SLC9A2: variants seen among roughly 807,000 people sequenced by gnomAD.
SLC9A2 encodes the protein sodium/hydrogen exchanger 2.
Under a neutral mutation model 71.7 loss-of-function variants are expected in SLC9A2, and 42 were observed. The observed-to-expected ratio is 0.59, with a 90% CI of 0.46 to 0.76. The LOEUF (loss-of-function observed/expected upper bound fraction) is 0.76, where lower values mean the gene tolerates loss of function less well. Ranked by LOEUF, SLC9A2 falls within the 30% of genes least tolerant of loss-of-function variation. SLC9A2 has a pLI of 0.00. For synonymous variants in SLC9A2, 396 were observed against 392.5 expected, an observed-to-expected ratio of 1.01 and a Z score of -0.10; for missense variants, 829 against 1,017.4, an observed-to-expected ratio of 0.81 and a Z score of 2.52.
At chr2:102,659,495 G>A (rs1333857057) in intron 2 of SLC9A2, among the ~76,000 whole-genome samples, 1 of 152,020 alleles carries the variant, frequency 6.6e-6, no homozygotes, top group Non-Finnish European at 1.5e-5. Context: ...TTTATTCTCT[G>A]TTAGCTTGTA....
In SLC9A2 at chr2:102,676,613, ATTG is replaced by A. The variant is rs1266890032; in HGVS notation, c.1005-6642_1005-6640del. On this transcript the variant is annotated intron_variant, in intron 3 of 11. Transcript: ENST00000233969. ...TGCTTGGATCCTGTTTTAAAAAACA[ATTG>A]TTGTTTGCATTTTCTCATATGTCAA... Among the ~76,000 whole-genome samples the A allele has an allele frequency of 3.3e-5, 5 of 152,180 alleles. 1 individual carries two copies. The highest frequency in any genetic ancestry group is 2.6e-4 in the Admixed American group (4 of 15,282).
At chr2:102,639,249 A>G (rs779433152) in intron 1 of SLC9A2, among the ~76,000 whole-genome samples, 1 of 152,248 alleles carries the variant, frequency 6.6e-6, no homozygotes, top group Non-Finnish European at 1.5e-5. Context: ...TTATTATATC[A>G]TGTTAATAGG....
intron 1 of SLC9A2, among the ~76,000 whole-genome samples, chr2:102,634,896 C>T (rs1450552164): frequency 6.6e-6 from 1 of 152,114 alleles, no homozygotes; most frequent in Non-Finnish European, 1.5e-5. Context: ...TAAGAGTAGG[C>T]TCTCTCATTG....
intron 1 of SLC9A2, among the ~76,000 whole-genome samples, chr2:102,631,098 A>G (rs1243444813): frequency 1.3e-5 from 2 of 152,022 alleles, no homozygotes; most frequent in Non-Finnish European, 2.9e-5. Context: ...CTAGGGTTTT[A>G]ATGATATGTT....
chr2:102,645,914 C>A (rs150236305), intron 1 of SLC9A2, among the ~76,000 whole-genome samples: 2 of 152,086 alleles, frequency 1.3e-5, no homozygotes, highest in Non-Finnish European at 2.9e-5. Flanking sequence ...CCCAACCTAG[C>A]AAGACAGGCC....
At chr2:102,654,117 C>T (rs1284189114) in intron 1 of SLC9A2, among the ~76,000 whole-genome samples, 1 of 151,644 alleles carries the variant, frequency 6.6e-6, no homozygotes, top group East Asian at 1.9e-4. Context: ...CAGAAACCCC[C>T]AGATTGCTAC....
chr2:102,673,949 G>A (rs375788492), intron 3 of SLC9A2, among the ~76,000 whole-genome samples: 9 of 152,002 alleles, frequency 5.9e-5, no homozygotes, highest in South Asian at 2.1e-4. Flanking sequence ...CACCACGCCC[G>A]GCTAATTTTT....
At chr2:102,625,442 G>A (rs192959817) in intron 1 of SLC9A2, among the ~76,000 whole-genome samples, 1,541 of 151,766 alleles carry the variant, frequency 0.01, 10 homozygotes, top group Non-Finnish European at 0.016. Context: ...TTTACATTAG[G>A]TATATCTCCT....
chr2:102,632,033 TATATACATAC>T (rs1676368101), intron 1 of SLC9A2, among the ~76,000 whole-genome samples: 1 of 76,932 alleles, frequency 1.3e-5, no homozygotes, highest in African/African-American at 6.0e-5. Context: ...TATATATATA[TATATACATAC>T]ACACACACAT....
chr2:102,670,996 G>A (rs767795125), intron 3 of SLC9A2, among the ~76,000 whole-genome samples: 16 of 151,788 alleles, frequency 1.1e-4, no homozygotes, highest in African/African-American at 2.2e-4. Flanking sequence ...GTTTACTTGC[G>A]TTCACAAAGA....
intron 1 of SLC9A2, among the ~76,000 whole-genome samples, chr2:102,620,663 C>G (rs369578949): frequency 6.6e-6 from 1 of 152,184 alleles, no homozygotes; most frequent in African/African-American, 2.4e-5. Flanking sequence ...TCTCCTCCCT[C>G]TATTGGGTTG....
Position 102,683,253 on chromosome 2 carries a change from C to T in SLC9A2, c.1005-8C>T. Reference sequence around the variant, plus strand: ...AGGTTTCAATAGAAGCTGAATCTTCCCTTTCAGAATCACTGCTTGTGCAAT... The same window carrying T: ...AGGTTTCAATAGAAGCTGAATCTTCTCTTTCAGAATCACTGCTTGTGCAAT... On this transcript the variant is annotated splice_region_variant and splice_polypyrimidine_tract_variant and intron_variant, in intron 3 of 11. Coordinates refer to ENST00000233969, the MANE Select transcript of SLC9A2 (RefSeq NM_003048.6). 6.3e-7 allele frequency: 1 copy of T among 1,593,698 alleles called. No homozygotes were observed. Among genetic ancestry groups the T allele is most frequent in the Non-Finnish European group, 8.6e-7 (1 of 1,161,426 alleles).
chr2:102,705,884 A>G lies in SLC9A2; in HGVS notation c.2016A>G (p.Lys672=). 6.2e-7 allele frequency: 1 copy of G among 1,606,114 alleles called. No individual in the cohort carries two copies. Among genetic ancestry groups the G allele is most frequent in the Non-Finnish European group, 8.5e-7 (1 of 1,176,338 alleles). The change falls in exon 11 of 12, where the codon AAA becomes AAG. Residue 672 remains lysine (K), a synonymous_variant. Transcript: ENST00000233969. ...CCTCCCGATATTTATCCTTACCTAAAAATACGAAGCTTCCAGAAAAGCTAC... is the reference window on the plus strand; with the variant it reads ...CCTCCCGATATTTATCCTTACCTAAGAATACGAAGCTTCCAGAAAAGCTAC... ...TSTSRYLSLP[K]NTKLPEKLQK...
rs529541438 is a variant in SLC9A2, at chr2:102,634,101, A to G, written c.289+13964A>G. ...ATGAGTAACTCAATAAAATTTGGAG[A>G]AACTCTTTTTTTTCACCACACTTTA... On this transcript the variant is annotated intron_variant, in intron 1 of 11. Coordinates refer to ENST00000233969, the MANE Select transcript of SLC9A2 (RefSeq NM_003048.6). Among the ~76,000 whole-genome samples the G allele has an allele frequency of 1.6e-3, 238 of 152,266 alleles. 1 individual carries two copies. The highest frequency in any genetic ancestry group is 5.1e-3 in the African/African-American group (213 of 41,556).
chr2:102,708,394 A>G lies in SLC9A2; in HGVS notation c.2344A>G (p.Thr782Ala). The G allele has an allele frequency of 1.2e-6, 2 of 1,614,180 alleles. No individual in the cohort carries two copies. Among genetic ancestry groups the G allele is most frequent in the Non-Finnish European group, 1.7e-6 (2 of 1,180,038 alleles). ...TGGCTCAGAGAGGGAAGACAGTTTGACTGAAGGCATCCCGCCCAAGCCGCC... is the reference window on the plus strand; with the variant it reads ...TGGCTCAGAGAGGGAAGACAGTTTGGCTGAAGGCATCCCGCCCAAGCCGCC... Reference protein sequence around the residue: ...QSGSEREDSLTEGIPPKPPPR... With the variant: ...QSGSEREDSLAEGIPPKPPPR... Residue 782 changes from threonine to alanine, a missense_variant, in exon 12 of 12, where the codon ACT (threonine) becomes GCT (alanine). Physicochemically the swap from Thr to Ala is moderately conservative, Grantham distance 58 (BLOSUM62 0). Transcript: ENST00000233969.
intron 5 of SLC9A2, among the ~76,000 whole-genome samples, 189 bp downstream of exon 5, chr2:102,684,525 C>G (rs1286144985): frequency 6.6e-6 from 1 of 152,194 alleles, no homozygotes; most frequent in African/African-American, 2.4e-5. Flanking sequence ...AATTTGGTCA[C>G]TTGGCCTACA....
chr2:102,651,518 T>C (rs1184265942), intron 1 of SLC9A2, among the ~76,000 whole-genome samples: 2 of 152,212 alleles, frequency 1.3e-5, no homozygotes, highest in African/African-American at 4.8e-5. Context: ...CTTCACTTCA[T>C]TCAGGGCTTT....
At chr2:102,641,168 A>G (rs1419409866) in intron 1 of SLC9A2, among the ~76,000 whole-genome samples, 2 of 152,126 alleles carry the variant, frequency 1.3e-5, no homozygotes, top group Non-Finnish European at 1.5e-5. Flanking sequence ...CAGACTCTCA[A>G]ATGGATTTGT....
intron 1 of SLC9A2, 137 bp from the exon 2 acceptor site, chr2:102,657,426 GA>G: frequency 1.6e-6 from 1 of 617,768 alleles, no homozygotes; most frequent in South Asian, 2.1e-5. Flanking sequence ...TGTAATCTGG[GA>G]AGCCATTGTA....
Sources: allele counts gnomAD v4.1 joint callset (sites outside exome capture counted in the v4.1 genomes callset), GRCh38; gene constraint gnomAD v4.1.1; transcripts MANE v1.5; gene names NCBI Gene and HGNC (gene_info 2026-07-23, HGNC 2026-07-21).